TSHZ1: variants seen among roughly 807,000 people sequenced by gnomAD.
TSHZ1 encodes teashirt zinc finger homeobox 1.
Under a neutral mutation model 67.1 loss-of-function variants are expected in TSHZ1, and 12 were observed. That is an observed-to-expected ratio of 0.18 (90% CI 0.11 to 0.29). The LOEUF (loss-of-function observed/expected upper bound fraction) is 0.29, where lower values mean the gene tolerates loss of function less well. Ranked by LOEUF, TSHZ1 falls within the 10% of genes least tolerant of loss-of-function variation. The pLI, the probability that TSHZ1 is intolerant of heterozygous loss-of-function variation, is 1.00. For missense variants in TSHZ1, 1,305 were observed against 1,413.9 expected (o/e 0.92, Z 1.23); for synonymous variants, 632 against 622.4 (o/e 1.02, Z -0.23).
intron 1 of TSHZ1, among the ~76,000 whole-genome samples, chr18:75,213,252 G>A (rs1021014720): frequency 6.6e-6 from 1 of 152,200 alleles, no homozygotes; most frequent in Non-Finnish European, 1.5e-5. Flanking sequence ...CTCTCAAAGA[G>A]TTGAAGGAGA....
chr18:75,258,697 A>G (rs879688793), intron 1 of TSHZ1, among the ~76,000 whole-genome samples: 2 of 152,178 alleles, frequency 1.3e-5, no homozygotes, highest in Non-Finnish European at 2.9e-5. Flanking sequence ...AAAGGATGCT[A>G]CAGAACTGAT....
At chr18:75,227,152 A>G (rs2022937150) in intron 1 of TSHZ1, among the ~76,000 whole-genome samples, 1 of 152,186 alleles carries the variant, frequency 6.6e-6, no homozygotes, top group Non-Finnish European at 1.5e-5. Flanking sequence ...TCAGAGGCAT[A>G]AAGAACCAGC....
intron 1 of TSHZ1, among the ~76,000 whole-genome samples, chr18:75,250,504 G>A (rs1474613181): frequency 6.6e-6 from 1 of 152,200 alleles, no homozygotes; most frequent in Non-Finnish European, 1.5e-5. Context: ...GGACGTGGAC[G>A]GGGCGGTGCG....
At chr18:75,255,408 A>T (rs1177993552) in intron 1 of TSHZ1, among the ~76,000 whole-genome samples, 1 of 152,240 alleles carries the variant, frequency 6.6e-6, no homozygotes, top group East Asian at 1.9e-4. Flanking sequence ...GGAAACAAAT[A>T]TGCTAAATAC....
At chr18:75,241,542 G>A (rs776465808) in intron 1 of TSHZ1, among the ~76,000 whole-genome samples, 7 of 152,136 alleles carry the variant, frequency 4.6e-5, no homozygotes, top group Non-Finnish European at 2.9e-5. Flanking sequence ...GTTGATGTCC[G>A]CGGATGGGAA....
intron 1 of TSHZ1, among the ~76,000 whole-genome samples, chr18:75,238,034 C>T (rs557921512): frequency 1.3e-5 from 2 of 152,242 alleles, no homozygotes; most frequent in Admixed American, 6.5e-5. Flanking sequence ...CTGGGCACCT[C>T]AGGTGATCCG....
intron 1 of TSHZ1, among the ~76,000 whole-genome samples, chr18:75,271,499 C>A (rs964429168): frequency 6.6e-6 from 1 of 152,168 alleles, no homozygotes; most frequent in Non-Finnish European, 1.5e-5. Flanking sequence ...CACCCTGGGC[C>A]TGTGTCTTCC....
chr18:75,250,457 G>A (rs1282495720), intron 1 of TSHZ1, among the ~76,000 whole-genome samples: 1 of 152,224 alleles, frequency 6.6e-6, no homozygotes, highest in African/African-American at 2.4e-5. Context: ...GCAGCAAGGG[G>A]CCAGGGTGGG....
intron 1 of TSHZ1, among the ~76,000 whole-genome samples, chr18:75,271,107 T>A (rs1373963091): frequency 6.6e-6 from 1 of 152,212 alleles, no homozygotes; most frequent in African/African-American, 2.4e-5. Flanking sequence ...TTGTGCATTC[T>A]CCAGGAATCC....
chr18:75,257,636 G>A (rs1032795542), intron 1 of TSHZ1, among the ~76,000 whole-genome samples: 1 of 152,026 alleles, frequency 6.6e-6, no homozygotes, highest in African/African-American at 2.4e-5. Flanking sequence ...AAAAAGGCTG[G>A]TGTCTGCAGA....
chr18:75,284,799 CT>C, intron 1 of TSHZ1: 1 of 152,444 alleles, frequency 6.6e-6, no homozygotes, highest in Non-Finnish European at 1.5e-5. Context: ...CTTTTGGTGC[CT>C]TCCAGCTTTT....
Position 75,211,106 on chromosome 18 carries a change from G to A in TSHZ1, c.-771G>A, listed in dbSNP as rs1223262559. On this transcript the variant is annotated 5_prime_UTR_variant, in exon 1 of 2. Coordinates refer to ENST00000580243, the MANE Select transcript of TSHZ1 (RefSeq NM_001308210.2). ...ATGTGTTTGCATTAGATTTCGCATT[G>A]GAAGAAGCGGCGATCCTGGCGGCCA... 6.6e-6 allele frequency: 1 copy of A among 151,888 alleles called. No individual in the cohort carries two copies. Among genetic ancestry groups the A allele is most frequent in the Non-Finnish European group, 1.5e-5 (1 of 68,030 alleles). 9.4% of individuals were successfully genotyped at this position (151,888 alleles called of 1,614,324 possible). A position where few individuals can be genotyped will look rare whatever the true frequency, so the allele number is the denominator to read the frequency against.
Position 75,286,492 on chromosome 18 carries a change from C to G in TSHZ1, c.1085C>G (p.Pro362Arg), listed in dbSNP as rs764835885. Residue 362 changes from proline to arginine, a missense_variant, in exon 2 of 2, where the codon CCC (proline) becomes CGC (arginine). Physicochemically the swap from Pro to Arg is moderately radical, Grantham distance 103 (BLOSUM62 -2). Coordinates refer to ENST00000580243, the MANE Select transcript of TSHZ1 (RefSeq NM_001308210.2). The surrounding 1 kb of genome is among the most constrained non-coding windows in gnomAD (Gnocchi z 5.1). ...KKRALQDLAP[P>R]CSPEPAGMAA... ...CGGGCGCTTCAGGACCTGGCGCCCC[C>G]CTGCTCCCCTGAGCCAGCAGGAATG... is the stretch of plus-strand genomic sequence containing the variant. 6.2e-7 allele frequency: 1 copy of G among 1,614,212 alleles called. No individual in the cohort carries two copies. Among genetic ancestry groups the G allele is most frequent in the East Asian group, 2.2e-5 (1 of 44,876 alleles).
rs574717873 is a variant in TSHZ1, at chr18:75,224,276, T to C, written c.40+12360T>C. On this transcript the variant is annotated intron_variant, in intron 1 of 1. Coordinates refer to ENST00000580243, the MANE Select transcript of TSHZ1 (RefSeq NM_001308210.2). The stretch of plus-strand genomic sequence containing the variant: ...CTTTAATTATTACCTTTGATGTCTA[T>C]TGGTGACTAAAGAGAGCTTAACAGG... 1.2e-4 allele frequency among the ~76,000 whole-genome samples: 18 copies of C among 152,284 alleles called. No individual in the cohort carries two copies. The South Asian group carries it at 1.9e-3, about 16-fold the overall frequency.
intron 1 of TSHZ1, among the ~76,000 whole-genome samples, chr18:75,272,669 T>C (rs115960160): frequency 6.6e-6 from 1 of 152,244 alleles, no homozygotes; most frequent in Non-Finnish European, 1.5e-5. Context: ...ATCCCTATAC[T>C]TGTACTCTCC....
At position 75,285,876 on chromosome 18, in the gene TSHZ1, A is replaced by G. The variant is rs761820099; in HGVS notation, c.469A>G (p.Thr157Ala). The G allele has an allele frequency of 2.3e-6, 1 of 434,394 alleles. No homozygotes were observed. Among genetic ancestry groups the G allele is most frequent in the East Asian group, 1.2e-4 (1 of 8,194 alleles). 26.9% of individuals were successfully genotyped at this position (434,394 alleles called of 1,614,324 possible). ...CAGCCAGAAGGAGAGCTCCGCCCCC[A>G]CCCCCACACCCCCCACCTGCCCCGT... is the stretch of plus-strand genomic sequence containing the variant. ...DASQKESSAP[T>A]PTPPTCPVST... The change falls in exon 2 of 2, where the codon ACC (threonine) becomes GCC (alanine). Residue 157 changes from threonine (T) to alanine (A), a missense_variant. Around this residue, in one of 3 missense-constraint regions of TSHZ1, gnomAD observed 358 missense variants for 375.6 expected, o/e 0.95. Transcript: ENST00000580243.
intron 1 of TSHZ1, among the ~76,000 whole-genome samples, chr18:75,240,227 G>T: frequency 6.6e-6 from 1 of 152,272 alleles, no homozygotes; most frequent in Admixed American, 6.5e-5. Context: ...TTTAAAGGCT[G>T]CCCTCTCTCT....
At position 75,287,934 on chromosome 18, in the gene TSHZ1, A is replaced by G. The variant is rs975008159; in HGVS notation, c.2527A>G (p.Met843Val). 1.2e-6 allele frequency: 2 copies of G among 1,614,096 alleles called. No individual in the cohort carries two copies. Among genetic ancestry groups the G allele is most frequent in the African/African-American group, 1.3e-5 (1 of 74,928 alleles). Residue 843 changes from methionine to valine, a missense_variant, in exon 2 of 2, where the codon ATG becomes GTG. Physicochemically the swap from Met to Val is conservative, Grantham distance 21 (BLOSUM62 1). This residue lies in a region of TSHZ1 where 909 missense variants were observed against 961.8 expected (regional missense o/e 0.95). Coordinates refer to ENST00000580243, the MANE Select transcript of TSHZ1 (RefSeq NM_001308210.2). The surrounding 1 kb of genome is among the most constrained non-coding windows in gnomAD (Gnocchi z 5.0). ...GAGCGCACTCATGGACATCTCCGAC[A>G]TGGTGAAAAACCTCACAGGCCGCCT... Reference protein sequence around the residue: ...RESALMDISDMVKNLTGRLTP... With the variant: ...RESALMDISDVVKNLTGRLTP...
intron 1 of TSHZ1, among the ~76,000 whole-genome samples, chr18:75,222,302 A>C (rs2022856875): frequency 6.6e-6 from 1 of 152,064 alleles, no homozygotes; most frequent in Non-Finnish European, 1.5e-5. Context: ...TTATTTTAGA[A>C]AAAGGAAGCA....
Sources: gnomAD v4.1 joint callset for allele counts (sites outside exome capture counted in the v4.1 genomes callset) on GRCh38, gnomAD v4.1.1 for gene constraint, gnomAD v4.1.1 regional missense constraint, Gnocchi (gnomAD v3.1) non-coding constraint, MANE v1.5 for transcripts, NCBI Gene and HGNC (gene_info 2026-07-23, HGNC 2026-07-21) for gene names.